FUT9: variants seen among roughly 807,000 people sequenced by gnomAD.
FUT9 encodes 4-galactosyl-N-acetylglucosaminide 3-alpha-L-fucosyltransferase 9.
FUT9 carries 15 observed loss-of-function variants against 29.7 expected under a neutral mutation model. The observed-to-expected ratio is 0.51, with a 90% CI of 0.34 to 0.78. FUT9 has a LOEUF of 0.78. FUT9 is among the 30% of genes least tolerant of loss of function. The pLI, the probability that FUT9 is intolerant of heterozygous loss-of-function variation, is 0.01. For synonymous variants in FUT9, 169 were observed against 153.7 expected (o/e 1.10, Z -0.74); for missense variants, 319 against 425.4 (o/e 0.75, Z 2.20).
At chr6:96,124,153 C>CTTTTTTTTTTT (rs35122970) in intron 2 of FUT9, among the ~76,000 whole-genome samples, 2 of 125,038 alleles carry the variant, frequency 1.6e-5, no homozygotes, top group Middle Eastern at 4.6e-3. Flanking sequence ...TTTCTTTTTT[C>CTTTTTTTTTTT]TTTTTTTTTT....
chr6:96,112,557 A>G (rs1397295807), intron 1 of FUT9, among the ~76,000 whole-genome samples: 1 of 152,240 alleles, frequency 6.6e-6, no homozygotes, highest in East Asian at 1.9e-4. Context: ...AAATCCACAA[A>G]GAAATCAGAT....
chr6:96,191,057 G>C (rs1419920207), intron 2 of FUT9, among the ~76,000 whole-genome samples: 1 of 152,090 alleles, frequency 6.6e-6, no homozygotes, highest in Non-Finnish European at 1.5e-5. Context: ...TTTGGTCTTT[G>C]ATGATGGTGA....
intron 1 of FUT9, among the ~76,000 whole-genome samples, chr6:96,107,654 G>A (rs1326054566): frequency 6.6e-6 from 1 of 152,160 alleles, no homozygotes; most frequent in African/African-American, 2.4e-5. Flanking sequence ...TTACTAATCT[G>A]TATTCCAAGC....
In FUT9 at chr6:96,182,184, G is replaced by C. The variant is rs143753217; in HGVS notation, c.-8-20964G>C. ...CATTTCCTTGATTATTAGTGATGTT[G>C]AGCATTTTTTCATATGTTTATTGGA... On this transcript the variant is annotated intron_variant, in intron 2 of 2. Coordinates refer to ENST00000302103, the MANE Select transcript of FUT9 (RefSeq NM_006581.4). Among the ~76,000 whole-genome samples the C allele has an allele frequency of 3.4e-3, 514 of 152,132 alleles. 4 individuals carry two copies. The highest frequency in any genetic ancestry group is 0.012 in the African/African-American group (485 of 41,552).
chr6:96,066,494 G>T (rs9322639), intron 1 of FUT9, among the ~76,000 whole-genome samples: 65 of 151,676 alleles, frequency 4.3e-4, no homozygotes, highest in African/African-American at 1.5e-3. Flanking sequence ...GTACTGACAG[G>T]GCTATTGTCA....
At chr6:96,145,297 C>T (rs1429351989) in intron 2 of FUT9, among the ~76,000 whole-genome samples, 9 of 152,098 alleles carry the variant, frequency 5.9e-5, no homozygotes, top group Non-Finnish European at 1.5e-5. Flanking sequence ...TGACCGTGAT[C>T]CGCCCGCCTC....
chr6:96,098,615 A>G (rs925640571), intron 1 of FUT9, among the ~76,000 whole-genome samples: 1 of 152,150 alleles, frequency 6.6e-6, no homozygotes, highest in Non-Finnish European at 1.5e-5. Flanking sequence ...TCATTCCCAA[A>G]TGTATTCAAT....
At chr6:96,044,283 C>G (rs1406594638) in intron 1 of FUT9, among the ~76,000 whole-genome samples, 1 of 152,144 alleles carries the variant, frequency 6.6e-6, no homozygotes, top group African/African-American at 2.4e-5. Flanking sequence ...TGTCCTTAAA[C>G]CTGACTGTGA....
chr6:96,025,508 TATATCCTTTGATACTTATTGGGG>T (rs1361280920), intron 1 of FUT9, among the ~76,000 whole-genome samples: 2 of 151,782 alleles, frequency 1.3e-5, no homozygotes, highest in African/African-American at 4.8e-5. Flanking sequence ...GATGAGTGTG[TATATCCTTTGATACTTATTGGGG>T]ATATGGACCC....
intron 1 of FUT9, among the ~76,000 whole-genome samples, chr6:96,018,418 C>T (rs1475463284): frequency 6.6e-6 from 1 of 151,928 alleles, no homozygotes; most frequent in Admixed American, 6.6e-5. Flanking sequence ...AACTAGTCTG[C>T]CAAAAATTTT....
At chr6:96,084,017 G>A (rs1343999929) in intron 1 of FUT9, among the ~76,000 whole-genome samples, 2 of 151,976 alleles carry the variant, frequency 1.3e-5, no homozygotes, top group African/African-American at 4.8e-5. Flanking sequence ...CCTGAGTTAG[G>A]TCTTAACCTT....
chr6:96,056,382 G>A (rs752797997), intron 1 of FUT9, among the ~76,000 whole-genome samples: 3 of 152,198 alleles, frequency 2.0e-5, no homozygotes, highest in African/African-American at 4.8e-5. Context: ...AAAATGGCAG[G>A]TGGAGAATCA....
At chr6:96,130,778 C>G (rs770864910) in intron 2 of FUT9, among the ~76,000 whole-genome samples, 14 of 152,138 alleles carry the variant, frequency 9.2e-5, no homozygotes, top group Non-Finnish European at 2.1e-4. Flanking sequence ...GATCATTATT[C>G]TTCTGACTCA....
In FUT9 at chr6:96,018,793, G is replaced by A. The variant is rs544663513; in HGVS notation, c.-98+2581G>A. On this transcript the variant is annotated intron_variant, in intron 1 of 2. Transcript: ENST00000302103. ...CTTGTGTGTGATGAAGAGAAAGAAT[G>A]GTTAAGGAAGAGAAAGCTGCAGGAA... Among the ~76,000 whole-genome samples the A allele has an allele frequency of 2.0e-5, 3 of 152,060 alleles. No homozygotes were observed. The South Asian group carries it at 6.2e-4, about 32-fold the overall frequency.
At chr6:96,096,958 C>A (rs1582226811) in intron 1 of FUT9, among the ~76,000 whole-genome samples, 1 of 151,932 alleles carries the variant, frequency 6.6e-6, no homozygotes, top group African/African-American at 2.4e-5. Context: ...GTTAGAGCAC[C>A]CAGCACATAT....
intron 1 of FUT9, among the ~76,000 whole-genome samples, chr6:96,111,209 C>T (rs550622040): frequency 1.3e-5 from 2 of 152,240 alleles, no homozygotes; most frequent in African/African-American, 4.8e-5. Flanking sequence ...TTAAACTATA[C>T]ATTAAAATAA....
At chr6:96,121,336 G>A (rs1289488802) in intron 2 of FUT9, among the ~76,000 whole-genome samples, 3 of 152,102 alleles carry the variant, frequency 2.0e-5, no homozygotes, top group Non-Finnish European at 2.9e-5. Flanking sequence ...AAACAAAGAT[G>A]TCAAGAAAAT....
intron 2 of FUT9, among the ~76,000 whole-genome samples, chr6:96,190,041 G>A (rs558112417): frequency 6.6e-6 from 1 of 152,034 alleles, no homozygotes; most frequent in Non-Finnish European, 1.5e-5. Context: ...GCAGTGGTTG[G>A]TACCGGTTGT....
intron 1 of FUT9, among the ~76,000 whole-genome samples, chr6:96,023,805 T>A (rs184235894): frequency 6.6e-6 from 1 of 152,006 alleles, no homozygotes; most frequent in Non-Finnish European, 1.5e-5. Context: ...TTAGCACCCA[T>A]GTTCCCTTCA....
Sources: allele counts gnomAD v4.1 joint callset (sites outside exome capture counted in the v4.1 genomes callset), GRCh38; gene constraint gnomAD v4.1.1; transcripts MANE v1.5; gene names NCBI Gene and HGNC (gene_info 2026-07-23, HGNC 2026-07-21).